MIS18A: variants seen among roughly 807,000 people sequenced by gnomAD.
MIS18A encodes the protein protein Mis18-alpha.
Under a neutral mutation model 25.0 loss-of-function variants are expected in MIS18A, and 14 were observed. The ratio of observed to expected loss-of-function variants is 0.56; its 90% CI spans 0.37 to 0.88. The LOEUF (loss-of-function observed/expected upper bound fraction) is 0.88. Ranked by LOEUF, MIS18A falls within the 40% of genes least tolerant of loss-of-function variation. The probability of loss-of-function intolerance (pLI) is 0.00; values close to 1 mark genes in which losing one functional copy is unlikely to be tolerated. For missense variants in MIS18A, 292 were observed against 290.8 expected, an observed-to-expected ratio of 1.00 and a Z score of -0.03; for synonymous variants, 134 against 118.6, an observed-to-expected ratio of 1.13 and a Z score of -0.84.
the MIS18A span, among the ~76,000 whole-genome samples, chr21:32,231,818 C>T: frequency 2.8e-4 from 43 of 151,986 alleles, no homozygotes; most frequent in Admixed American, 1.8e-3. Context: ...GAGGCTGAGG[C>T]GGGAGAATGG....
chr21:32,269,162 T>C (rs1251199829), intron 4 of MIS18A, 45 bp from the exon 5 acceptor site: 2 of 1,325,778 alleles, frequency 1.5e-6, no homozygotes, highest in Non-Finnish European at 2.1e-6. Flanking sequence ...ACACATATAA[T>C]TAAAAATTAT....
chr21:32,248,385 C>T, the MIS18A span, among the ~76,000 whole-genome samples: 4 of 152,158 alleles, frequency 2.6e-5, no homozygotes, highest in Admixed American at 2.6e-4. Flanking sequence ...AAGCTTCTTC[C>T]TCTCTCCACA....
the MIS18A span, among the ~76,000 whole-genome samples, chr21:32,175,542 G>C: frequency 6.6e-6 from 1 of 150,530 alleles, no homozygotes; most frequent in African/African-American, 2.5e-5. Flanking sequence ...GGGCACAATG[G>C]CTCACTCCTG....
chr21:32,166,058 A>G, the MIS18A span, among the ~76,000 whole-genome samples: 156 of 152,332 alleles, frequency 1.0e-3, no homozygotes, highest in African/African-American at 3.6e-3. Context: ...CGGGAACTAA[A>G]TGCAGAAAAC....
chr21:32,225,152 G>A, the MIS18A span, among the ~76,000 whole-genome samples: 1 of 48,244 alleles, frequency 2.1e-5, no homozygotes, highest in Non-Finnish European at 3.4e-5. Context: ...AGATTTAAAC[G>A]TTAGACCTAA....
the MIS18A span, among the ~76,000 whole-genome samples, chr21:32,252,581 A>T: frequency 6.6e-6 from 1 of 152,166 alleles, no homozygotes; most frequent in Non-Finnish European, 1.5e-5. Flanking sequence ...GCTTCTGAAG[A>T]ATGAGTGTAC....
chr21:32,212,323 T>C, the MIS18A span, among the ~76,000 whole-genome samples: 1 of 152,130 alleles, frequency 6.6e-6, no homozygotes, highest in East Asian at 1.9e-4. Flanking sequence ...TCCTCCTACT[T>C]CTCGTGGTTG....
chr21:32,193,964 C>T, the MIS18A span, among the ~76,000 whole-genome samples: 6 of 152,090 alleles, frequency 3.9e-5, no homozygotes, highest in Admixed American at 1.3e-4. Flanking sequence ...CCTGTACCCA[C>T]GAGAGGCCAG....
chr21:32,265,536 G>T (rs577546481), downstream of MIS18A, among the ~76,000 whole-genome samples: 1 of 152,242 alleles, frequency 6.6e-6, no homozygotes, highest in African/African-American at 2.4e-5. Context: ...GCGCTGTGCT[G>T]GATTTCTCGC....
Position 32,274,816 on chromosome 21 carries a change from A to C in MIS18A, c.401+14T>G, listed in dbSNP as rs1202830617. 1.3e-6 allele frequency: 2 copies of C among 1,592,160 alleles called. No homozygotes were observed. The highest frequency in any genetic ancestry group is 1.7e-6 in the Non-Finnish European group (2 of 1,161,784). On this transcript the variant is annotated intron_variant, in intron 2 of 4. Coordinates refer to ENST00000290130, the MANE Select transcript of MIS18A (RefSeq NM_018944.3). Reference sequence around the variant, plus strand: ...AATTCTCTAACATATTCATATAAATACAGTTTTACTCACCAACCATTTTCC... The same window carrying C: ...AATTCTCTAACATATTCATATAAATCCAGTTTTACTCACCAACCATTTTCC...
At chr21:32,213,826 AC>A in the MIS18A span, among the ~76,000 whole-genome samples, 1 of 151,996 alleles carries the variant, frequency 6.6e-6, no homozygotes, top group Non-Finnish European at 1.5e-5. Context: ...TGGCCACATC[AC>A]CCTGACCTCT....
chr21:32,215,370 T>C, the MIS18A span, among the ~76,000 whole-genome samples: 1 of 152,190 alleles, frequency 6.6e-6, no homozygotes, highest in Admixed American at 6.5e-5. Context: ...TCTCCGGCTG[T>C]GACCCACTGT....
At chr21:32,233,026 G>T in the MIS18A span, among the ~76,000 whole-genome samples, 1 of 152,170 alleles carries the variant, frequency 6.6e-6, no homozygotes, top group Non-Finnish European at 1.5e-5. Context: ...AAACAGGAAA[G>T]GCAGTAGTCT....
chr21:32,209,342 G>A, the MIS18A span, among the ~76,000 whole-genome samples: 1 of 152,136 alleles, frequency 6.6e-6, no homozygotes, highest in African/African-American at 2.4e-5. Context: ...CAAGTACAAA[G>A]GCTCACTTGC....
the MIS18A span, among the ~76,000 whole-genome samples, chr21:32,169,874 A>C: frequency 1.3e-5 from 2 of 152,198 alleles, no homozygotes; most frequent in Non-Finnish European, 2.9e-5. Flanking sequence ...ACAATAAAAA[A>C]CAACAACAAA....
chr21:32,176,730 A>C, the MIS18A span, among the ~76,000 whole-genome samples: 3 of 152,240 alleles, frequency 2.0e-5, no homozygotes, highest in African/African-American at 7.2e-5. Context: ...AAAGAGCAAA[A>C]ATTAACAACA....
chr21:32,155,918 T>C, the MIS18A span, among the ~76,000 whole-genome samples: 3 of 150,866 alleles, frequency 2.0e-5, no homozygotes, highest in Non-Finnish European at 4.4e-5. Context: ...CTAGTTTCAG[T>C]CTTGGTAAAA....
the MIS18A span, among the ~76,000 whole-genome samples, chr21:32,254,613 T>C: frequency 6.6e-6 from 1 of 152,178 alleles, no homozygotes; most frequent in African/African-American, 2.4e-5. Context: ...AGTAAACCAG[T>C]TCAAGATTTC....
the MIS18A span, among the ~76,000 whole-genome samples, chr21:32,157,121 T>C: frequency 6.7e-6 from 1 of 149,096 alleles, no homozygotes; most frequent in Non-Finnish European, 1.5e-5. Context: ...AGTGGCGTGA[T>C]CTTGGCTCAC....
Sources: gnomAD v4.1 joint callset for allele counts (sites outside exome capture counted in the v4.1 genomes callset) on GRCh38, gnomAD v4.1.1 for gene constraint, MANE v1.5 for transcripts, NCBI Gene and HGNC (gene_info 2026-07-23, HGNC 2026-07-21) for gene names.